Variants in ACVR2A observed in about 807,000 individuals in gnomAD.
ACVR2A encodes the protein activin receptor type-2A.
A neutral mutation model predicts 61.4 loss-of-function variants in ACVR2A; 7 were observed. The ratio of observed to expected loss-of-function variants is 0.11; its 90% CI spans 0.06 to 0.21. The LOEUF is 0.21. Among genes scored for constraint, ACVR2A ranks in the 10% least tolerant of loss-of-function variants. The pLI is 1.00. For synonymous variants in ACVR2A, 193 were observed against 208.3 expected (o/e 0.93, Z 0.63); for missense variants, 322 against 621.7 (o/e 0.52, Z 5.13).
intron 1 of ACVR2A, among the ~76,000 whole-genome samples, chr2:147,865,298 C>T (rs1303720831): frequency 2.0e-5 from 3 of 152,230 alleles, no homozygotes; most frequent in Non-Finnish European, 1.5e-5. Context: ...TGTGGCTCCA[C>T]ATCCGTACCT....
chr2:147,913,837 A>AT (rs1191252948), intron 4 of ACVR2A, among the ~76,000 whole-genome samples: 6 of 150,542 alleles, frequency 4.0e-5, no homozygotes, highest in African/African-American at 1.5e-4. Flanking sequence ...AAAAAAAAAA[A>AT]AAAAAAAAAA....
intron 2 of ACVR2A, 152 bp from the exon 3 acceptor site, chr2:147,899,306 T>G: frequency 2.0e-6 from 1 of 487,870 alleles, no homozygotes; most frequent in Non-Finnish European, 3.4e-6. Context: ...TCCAGGAACA[T>G]TTTTGGTTTT....
At chr2:147,918,739 T>G in intron 7 of ACVR2A, 147 bp downstream of exon 7, 3 of 664,622 alleles carry the variant, frequency 4.5e-6, no homozygotes, top group Non-Finnish European at 6.9e-6. Flanking sequence ...AAATTAGCTT[T>G]GAGATTGGCC....
In ACVR2A at chr2:147,874,029, A is replaced by G. The variant is rs544887492; in HGVS notation, c.56-22272A>G. ...AGGAAGAGTCTGAGGTAAATGATTG[A>G]TTTTTGTAAAGTAAGAACTGGACAA... On this transcript the variant is annotated intron_variant, in intron 1 of 10. Transcript: ENST00000241416. Among the ~76,000 whole-genome samples the G allele has an allele frequency of 2.6e-5, 4 of 152,070 alleles. No individual in the cohort carries two copies. The South Asian group carries it at 8.3e-4, about 31-fold the overall frequency.
At chr2:147,873,542 A>T (rs1423566314) in intron 1 of ACVR2A, among the ~76,000 whole-genome samples, 1 of 151,886 alleles carries the variant, frequency 6.6e-6, no homozygotes, top group Non-Finnish European at 1.5e-5. Flanking sequence ...GCATTTGGTG[A>T]AATTGTGAAA....
rs747035941 is a variant in ACVR2A at position 147,845,217 on chromosome 2, G to A, written c.55+10G>A. 7 of 1,611,580 alleles carry A rather than the reference G, an allele frequency of 4.3e-6. No individual in the cohort carries two copies. The East Asian group carries it at 1.6e-4, about 36-fold the overall frequency. On this transcript the variant is annotated intron_variant, in intron 1 of 10. Coordinates refer to ENST00000241416, the MANE Select transcript of ACVR2A (RefSeq NM_001616.5). Reference sequence around the variant, plus strand: ...ATCTCCTGTTCTTCAGGTAGGTGCAGGGAGCGCGGCGCGGTGGGGCTGCTC... The same window carrying A: ...ATCTCCTGTTCTTCAGGTAGGTGCAAGGAGCGCGGCGCGGTGGGGCTGCTC...
At chr2:147,845,231 G>T in intron 1 of ACVR2A, 24 bp downstream of exon 1, 1 of 1,609,390 alleles carries the variant, frequency 6.2e-7, no homozygotes, top group Non-Finnish European at 8.5e-7. Context: ...GCGCGGCGCG[G>T]TGGGGCTGCT....
At chr2:147,848,949 AGGT>A (rs989104979) in intron 1 of ACVR2A, among the ~76,000 whole-genome samples, 14 of 152,186 alleles carry the variant, frequency 9.2e-5, no homozygotes, top group African/African-American at 3.4e-4. Flanking sequence ...GATGATCTCC[AGGT>A]AACGTTGTAT....
At chr2:147,907,898 G>T (rs971385178) in intron 4 of ACVR2A, among the ~76,000 whole-genome samples, 1 of 151,878 alleles carries the variant, frequency 6.6e-6, no homozygotes, top group African/African-American at 2.4e-5. Context: ...AATTAGCCAG[G>T]CATGGTGGTG....
intron 4 of ACVR2A, among the ~76,000 whole-genome samples, chr2:147,911,705 T>C (rs965728607): frequency 1.3e-5 from 2 of 152,062 alleles, no homozygotes; most frequent in African/African-American, 4.8e-5. Context: ...GGGTTCTCCC[T>C]CACCCAGCTT....
chr2:147,855,850 C>T (rs1685558483), intron 1 of ACVR2A, among the ~76,000 whole-genome samples: 1 of 152,030 alleles, frequency 6.6e-6, no homozygotes. Context: ...TATATATATT[C>T]TTATTTAAGC....
intron 8 of ACVR2A, among the ~76,000 whole-genome samples, chr2:147,922,768 T>C (rs1687414581): frequency 6.6e-6 from 1 of 152,108 alleles, no homozygotes. Context: ...AAGGGGAACA[T>C]AAAAACTTCT....
intron 1 of ACVR2A, among the ~76,000 whole-genome samples, chr2:147,881,736 C>CT (rs1686307562): frequency 6.9e-6 from 1 of 144,734 alleles, no homozygotes; most frequent in Non-Finnish European, 1.5e-5. Flanking sequence ...AAAATTTATT[C>CT]TTTTTTCATA....
intron 1 of ACVR2A, among the ~76,000 whole-genome samples, chr2:147,860,952 A>AT (rs1226458553): frequency 6.6e-6 from 1 of 152,092 alleles, no homozygotes; most frequent in Admixed American, 6.5e-5. Context: ...GTTGTTACAG[A>AT]TTTTTCAGTG....
chr2:147,864,695 G>C lies in ACVR2A; in HGVS notation c.55+19488G>C, dbSNP rs57365852. ...TAAAAAATTCCTAGGGACTTGATTT[G>C]AATTTAAGGGATGGAATTTATAGAA... On this transcript the variant is annotated intron_variant, in intron 1 of 10. Transcript: ENST00000241416. Among the ~76,000 whole-genome samples the C allele has an allele frequency of 5.9e-3, 892 of 152,220 alleles. 9 individuals carry two copies. Among genetic ancestry groups the C allele is most frequent in the African/African-American group, 0.021 (860 of 41,524 alleles).
At position 147,923,194 on chromosome 2, in the gene ACVR2A, T is replaced by C; in HGVS notation, c.1216+83T>C. Reference sequence around the variant, plus strand: ...AGGGATGATACACTCCAAGGTAATATTTTAAAGTACAGTTTTTTTTTAATT... The same window carrying C: ...AGGGATGATACACTCCAAGGTAATACTTTAAAGTACAGTTTTTTTTTAATT... On this transcript the variant is annotated intron_variant, in intron 9 of 10. Transcript: ENST00000241416. The C allele has an allele frequency of 2.1e-6, 3 of 1,435,812 alleles. No individual in the cohort carries two copies. In the South Asian group the frequency reaches 4.4e-5, roughly 21 times the overall value. 88.9% of individuals were successfully genotyped at this position (1,435,812 alleles called of 1,614,324 possible). A position where few individuals can be genotyped will look rare whatever the true frequency, so the allele number is the denominator to read the frequency against.
At chr2:147,845,315 GTTGCCCA>G in intron 1 of ACVR2A, 108 bp downstream of exon 1, 1 of 793,414 alleles carries the variant, frequency 1.3e-6, no homozygotes. Context: ...GCCTGGGGAG[GTTGCCCA>G]CTCCCTGCGC....
At chr2:147,919,355 A>G (rs973757084) in intron 7 of ACVR2A, among the ~76,000 whole-genome samples, 1 of 152,138 alleles carries the variant, frequency 6.6e-6, no homozygotes, top group Non-Finnish European at 1.5e-5. Flanking sequence ...ACTTTCTTAC[A>G]TGCAGTCTAT....
At chr2:147,919,373 G>A (rs563029551) in intron 7 of ACVR2A, among the ~76,000 whole-genome samples, 8 of 152,202 alleles carry the variant, frequency 5.3e-5, no homozygotes, top group African/African-American at 1.4e-4. Context: ...TATTGGCCTC[G>A]TCTTCGATTT....
Sources: allele counts gnomAD v4.1 joint callset (sites outside exome capture counted in the v4.1 genomes callset), GRCh38; gene constraint gnomAD v4.1.1; transcripts MANE v1.5; gene names NCBI Gene and HGNC (gene_info 2026-07-23, HGNC 2026-07-21).